AFG2A: variants seen among roughly 807,000 people sequenced by gnomAD.
AFG2A encodes ATPase family gene 2 protein homolog A.
chr4:123,016,928 C>G, the AFG2A span, among the ~76,000 whole-genome samples: 1 of 152,170 alleles, frequency 6.6e-6, no homozygotes, highest in Non-Finnish European at 1.5e-5. Flanking sequence ...GAGACCAGCC[C>G]GGCCAACACA....
the AFG2A span, among the ~76,000 whole-genome samples, chr4:123,041,635 G>A: frequency 8.5e-4 from 129 of 151,992 alleles, no homozygotes; most frequent in Middle Eastern, 3.4e-3. Flanking sequence ...AGGTTCAAGC[G>A]ATTCTCCTGC....
At chr4:123,224,423 A>G in the AFG2A span, among the ~76,000 whole-genome samples, 1 of 145,440 alleles carries the variant, frequency 6.9e-6, no homozygotes, top group African/African-American at 2.6e-5. Flanking sequence ...ATGTGTTCTT[A>G]TTGTTCATTT....
At chr4:123,144,196 T>TTA in the AFG2A span, among the ~76,000 whole-genome samples, 1 of 152,102 alleles carries the variant, frequency 6.6e-6, no homozygotes, top group East Asian at 1.9e-4. Flanking sequence ...TTTCTTTCTG[T>TTA]TATACTGCCT....
the AFG2A span, among the ~76,000 whole-genome samples, chr4:123,178,423 A>G: frequency 5.3e-5 from 8 of 152,348 alleles, 1 homozygote; most frequent in South Asian, 6.2e-4. Context: ...ATTTTGTTTA[A>G]GAAACAAATG....
chr4:122,987,895 C>T, the AFG2A span, among the ~76,000 whole-genome samples: 5 of 152,192 alleles, frequency 3.3e-5, no homozygotes, highest in South Asian at 1.0e-3. Context: ...CTTACCTTTA[C>T]AGGGGGTTTT....
At chr4:123,119,838 A>C in the AFG2A span, among the ~76,000 whole-genome samples, 1 of 152,192 alleles carries the variant, frequency 6.6e-6, no homozygotes, top group Non-Finnish European at 1.5e-5. Context: ...ATTGACTTAC[A>C]GTTTAGCATG....
chr4:122,959,430 T>C, the AFG2A span, among the ~76,000 whole-genome samples: 1 of 152,242 alleles, frequency 6.6e-6, no homozygotes, highest in East Asian at 1.9e-4. Context: ...TAATTAACAA[T>C]TCAGAATACA....
At chr4:123,291,259 C>T in the AFG2A span, among the ~76,000 whole-genome samples, 1 of 152,042 alleles carries the variant, frequency 6.6e-6, no homozygotes, top group Non-Finnish European at 1.5e-5. Flanking sequence ...GTTTCTTTAT[C>T]CATTCCACCA....
chr4:123,131,059 T>C, the AFG2A span, among the ~76,000 whole-genome samples: 4 of 75,648 alleles, frequency 5.3e-5, no homozygotes, highest in Admixed American at 1.4e-4. Flanking sequence ...AATTTGAACA[T>C]TTTGTTTTGG....
chr4:122,951,048 A>G, the AFG2A span, among the ~76,000 whole-genome samples: 1 of 152,270 alleles, frequency 6.6e-6, no homozygotes, highest in South Asian at 2.1e-4. Flanking sequence ...AGACGAATGC[A>G]GGTTAATTTG....
At chr4:123,072,094 T>C in the AFG2A span, among the ~76,000 whole-genome samples, 1 of 152,228 alleles carries the variant, frequency 6.6e-6, no homozygotes, top group Non-Finnish European at 1.5e-5. Flanking sequence ...TGGAATCAAG[T>C]AAATGTGCTT....
chr4:123,133,484 G>A, the AFG2A span, among the ~76,000 whole-genome samples: 22 of 69,604 alleles, frequency 3.2e-4, no homozygotes, highest in Non-Finnish European at 7.4e-4. Context: ...TATCATAGGC[G>A]TGTGCGTGTG....
the AFG2A span, among the ~76,000 whole-genome samples, chr4:123,295,416 C>A: frequency 6.6e-6 from 1 of 152,190 alleles, no homozygotes; most frequent in Non-Finnish European, 1.5e-5. Context: ...ATAAATAAAT[C>A]TTAAGACGAA....
chr4:123,153,993 TAAAGACATTTGTCTTTCAAAGACTTTTG>T, the AFG2A span, among the ~76,000 whole-genome samples: 9 of 152,176 alleles, frequency 5.9e-5, no homozygotes, highest in African/African-American at 1.7e-4. Flanking sequence ...GAAAGTGTAG[TAAAGACATTTGTCTTTCAAAGACTTTTG>T]AAAGACAAAA....
the AFG2A span, among the ~76,000 whole-genome samples, chr4:123,187,937 G>A: frequency 2.0e-5 from 3 of 151,052 alleles, no homozygotes; most frequent in African/African-American, 7.3e-5. Context: ...GGTTGAGGCT[G>A]CAGTGAGCCA....
chr4:123,292,003 T>C, the AFG2A span, among the ~76,000 whole-genome samples: 8 of 152,234 alleles, frequency 5.3e-5, no homozygotes, highest in Admixed American at 1.3e-4. Flanking sequence ...GGAACACTTA[T>C]GATTCTTAGG....
chr4:123,296,576 T>C, the AFG2A span, among the ~76,000 whole-genome samples: 1 of 152,206 alleles, frequency 6.6e-6, no homozygotes, highest in Admixed American at 6.5e-5. Flanking sequence ...ATTTATGGGT[T>C]AAATATTGTG....
the AFG2A span, among the ~76,000 whole-genome samples, chr4:123,058,220 T>C: frequency 6.6e-6 from 1 of 152,156 alleles, no homozygotes; most frequent in East Asian, 1.9e-4. Context: ...GGACTCACAG[T>C]TCCACGTGGC....
At chr4:123,194,075 G>A in the AFG2A span, among the ~76,000 whole-genome samples, 5 of 152,212 alleles carry the variant, frequency 3.3e-5, no homozygotes, top group Non-Finnish European at 7.3e-5. Context: ...CCTAGGGTGA[G>A]AAAGTAATTA....
Sources: gnomAD v4.1 joint callset for allele counts (sites outside exome capture counted in the v4.1 genomes callset) on GRCh38, gnomAD v4.1.1 for gene constraint, MANE v1.5 for transcripts, NCBI Gene and HGNC (gene_info 2026-07-23, HGNC 2026-07-21) for gene names.